FBXO10: variants seen among roughly 807,000 people sequenced by gnomAD.
FBXO10 encodes the protein F-box only protein 10.
In FBXO10, 39 loss-of-function variants were observed where a neutral mutation model predicts 80.7. The ratio of observed to expected loss-of-function variants is 0.48; its 90% CI spans 0.37 to 0.63. The LOEUF (loss-of-function observed/expected upper bound fraction) is 0.63, where lower values mean the gene tolerates loss of function less well. FBXO10 is among the 30% of genes least tolerant of loss of function. FBXO10 has a pLI of 0.00. For missense variants in FBXO10, 1,025 were observed against 1,269.0 expected, an observed-to-expected ratio of 0.81 and a Z score of 2.92; for synonymous variants, 449 against 489.6, an observed-to-expected ratio of 0.92 and a Z score of 1.09.
intron 1 of FBXO10, among the ~76,000 whole-genome samples, chr9:37,556,706 G>A (rs540778793): frequency 2.0e-5 from 3 of 152,056 alleles, no homozygotes; most frequent in African/African-American, 7.2e-5. Context: ...GCCACGCCCG[G>A]CTAATTTTTG....
intron 8 of FBXO10, among the ~76,000 whole-genome samples, chr9:37,521,241 G>A (rs1164705205): frequency 6.6e-6 from 1 of 152,196 alleles, no homozygotes; most frequent in Non-Finnish European, 1.5e-5. Context: ...TCAAAAATAA[G>A]AAGCACCTCT....
In FBXO10 at chr9:37,525,151, G is replaced by A. The variant is rs866333677; in HGVS notation, c.1728C>T (p.Gly576=). ...PVVSGNHIFK[G]RAAGIAVNEN... ...CATTCACTGCTATGCCGGCAGCACG[G>A]CCCTTGAAGATGTGGTTCCCGCTAA... The change falls in exon 6 of 11, where the codon GGC becomes GGT. Residue 576 remains glycine, a synonymous_variant. Coordinates refer to ENST00000432825, the MANE Select transcript of FBXO10 (RefSeq NM_012166.3). 3.8e-6 allele frequency: 6 copies of A among 1,563,830 alleles called. No individual in the cohort carries two copies. In the African/African-American group the frequency reaches 6.8e-5, roughly 18 times the overall value.
intron 1 of FBXO10, among the ~76,000 whole-genome samples, chr9:37,567,382 C>T (rs1563891632): frequency 6.6e-6 from 1 of 151,488 alleles, no homozygotes; most frequent in Admixed American, 6.6e-5. Flanking sequence ...TGGGCTCAAG[C>T]GATCCTCCTG....
chr9:37,560,688 G>T (rs1822456367), intron 1 of FBXO10, among the ~76,000 whole-genome samples: 1 of 151,578 alleles, frequency 6.6e-6, no homozygotes, highest in South Asian at 2.1e-4. Context: ...TACCACTGGG[G>T]CCTCTGCATG....
At chr9:37,523,985 C>A (rs1030974086) in intron 6 of FBXO10, among the ~76,000 whole-genome samples, 1 of 152,256 alleles carries the variant, frequency 6.6e-6, no homozygotes, top group Admixed American at 6.5e-5. Flanking sequence ...CATTTACCCA[C>A]AAGCCTGTGA....
chr9:37,516,025 T>G lies in FBXO10; in HGVS notation c.2575A>C (p.Lys859Gln), dbSNP rs887688036. Residue 859 changes from lysine (K) to glutamine (Q), a missense_variant, in exon 10 of 11, where the codon AAG becomes CAG. Around this residue, in one of 3 missense-constraint regions of FBXO10, gnomAD observed 478 missense variants for 667.8 expected, o/e 0.72. Transcript: ENST00000432825. ...ATGATGTTTTCCTGCACCAGGGCCT[T>G]GGCACGGCCCCGCACGGCGATGCCG... Reference protein sequence around the residue: ...AYGIAVRGRAKALVQENIIFQ... With the variant: ...AYGIAVRGRAQALVQENIIFQ... 1 of 1,614,042 alleles carries G rather than the reference T, an allele frequency of 6.2e-7. No individual in the cohort carries two copies. The highest frequency in any genetic ancestry group is 8.5e-7 in the Non-Finnish European group (1 of 1,179,904).
intron 1 of FBXO10, among the ~76,000 whole-genome samples, chr9:37,560,862 G>A (rs1280081767): frequency 2.6e-5 from 4 of 151,816 alleles, no homozygotes; most frequent in African/African-American, 9.7e-5. Context: ...TTTTTATTTT[G>A]CTGGGCGCGG....
chr9:37,529,325 G>T, intron 4 of FBXO10, 65 bp from the exon 5 acceptor site: 1 of 1,547,666 alleles, frequency 6.5e-7, no homozygotes, highest in Non-Finnish European at 8.8e-7. Flanking sequence ...GAGTGCCCAG[G>T]TGCCGCCCAC....
chr9:37,560,610 C>T (rs7044233), intron 1 of FBXO10, among the ~76,000 whole-genome samples: 84,494 of 151,878 alleles, frequency 0.56, 24,467 homozygotes, highest in African/African-American at 0.73. Context: ...ACAACAGGGA[C>T]TTCTTAGAAC....
At chr9:37,515,664 A>G in intron 10 of FBXO10, 1 of 421,914 alleles carries the variant, frequency 2.4e-6, no homozygotes, top group East Asian at 4.0e-5. Flanking sequence ...ACAGCCAGTA[A>G]CCTGCAGAGC....
chr9:37,552,959 A>G (rs1167858371), intron 1 of FBXO10, among the ~76,000 whole-genome samples: 2 of 151,938 alleles, frequency 1.3e-5, no homozygotes, highest in African/African-American at 4.8e-5. Flanking sequence ...TAGGTTTCCA[A>G]TACATACATT....
At chr9:37,568,878 A>G (rs1253669045) in intron 1 of FBXO10, among the ~76,000 whole-genome samples, 2 of 152,256 alleles carry the variant, frequency 1.3e-5, no homozygotes, top group African/African-American at 2.4e-5. Flanking sequence ...GAAAAAGTGT[A>G]TAACATCCAC....
chr9:37,517,986 G>T, intron 9 of FBXO10, 139 bp downstream of exon 9: 2 of 915,154 alleles, frequency 2.2e-6, no homozygotes, highest in South Asian at 1.8e-5. Flanking sequence ...CATTTCCCAG[G>T]CTGAGTCCTG....
chr9:37,535,026 C>T (rs1346964624), intron 3 of FBXO10, among the ~76,000 whole-genome samples: 1 of 152,128 alleles, frequency 6.6e-6, no homozygotes, highest in East Asian at 1.9e-4. Flanking sequence ...CAGTCTACTG[C>T]TGAGGGAGGG....
At position 37,512,468 on chromosome 9, in the gene FBXO10, G is replaced by A. The variant is rs1564329806; in HGVS notation, c.*79C>T. 8 of 1,495,238 alleles carry A rather than the reference G, an allele frequency of 5.4e-6. No homozygotes were observed. The highest frequency in any genetic ancestry group is 3.8e-5 in the Admixed American group (2 of 52,480). 92.6% of individuals were successfully genotyped at this position (1,495,238 alleles called of 1,614,324 possible). ...TTGTTCGAGGGGGAGGGGGAGGGGC[G>A]GAGTCTTTTCAGGCAGTATTTCCAC... is the stretch of plus-strand genomic sequence containing the variant. On this transcript the variant is annotated 3_prime_UTR_variant, in exon 11 of 11. Coordinates refer to ENST00000432825, the MANE Select transcript of FBXO10 (RefSeq NM_012166.3).
At chr9:37,518,943 T>A (rs923692930) in intron 8 of FBXO10, among the ~76,000 whole-genome samples, 9 of 149,280 alleles carry the variant, frequency 6.0e-5, no homozygotes, top group Admixed American at 1.4e-4. Flanking sequence ...GGAGTCTCGC[T>A]CTGTCGCCCA....
intron 1 of FBXO10, among the ~76,000 whole-genome samples, chr9:37,554,194 G>A (rs1396292224): frequency 6.6e-6 from 1 of 152,080 alleles, no homozygotes; most frequent in Non-Finnish European, 1.5e-5. Context: ...CCCTTGTGTT[G>A]CCCTTTTGTA....
Position 37,568,363 on chromosome 9 carries a change from A to G in FBXO10, c.-7+7848T>C, listed in dbSNP as rs140913339. Among the ~76,000 whole-genome samples, 287 of 151,630 alleles carry G rather than the reference A, an allele frequency of 1.9e-3. 3 individuals carry two copies. The East Asian group carries it at 0.02, about 11-fold the overall frequency. ...CAGCCGCCTGCCACCACGCCTGACT[A>G]ATTTTTGTATTTTTAGTAGAGATGG... On this transcript the variant is annotated intron_variant, in intron 1 of 10. Coordinates refer to ENST00000432825, the MANE Select transcript of FBXO10 (RefSeq NM_012166.3).
chr9:37,559,638 A>C (rs35746195), intron 1 of FBXO10, among the ~76,000 whole-genome samples: 3 of 152,196 alleles, frequency 2.0e-5, no homozygotes, highest in African/African-American at 7.2e-5. Flanking sequence ...CCTGAGGTCA[A>C]ATGGGGCCAC....
Sources: allele counts gnomAD v4.1 joint callset (sites outside exome capture counted in the v4.1 genomes callset), GRCh38; gene constraint gnomAD v4.1.1; regional missense constraint gnomAD v4.1.1; transcripts MANE v1.5; gene names NCBI Gene and HGNC (gene_info 2026-07-23, HGNC 2026-07-21).